APBB2: variants seen among roughly 807,000 people sequenced by gnomAD.
The protein encoded by APBB2 is amyloid beta precursor protein binding family B member 2.
Under a neutral mutation model 82.5 loss-of-function variants are expected in APBB2, and 38 were observed. The ratio of observed to expected loss-of-function variants is 0.46; its 90% CI spans 0.36 to 0.60. The LOEUF is 0.60. Ranked by LOEUF, APBB2 falls within the 20% of genes least tolerant of loss-of-function variation. The pLI, the probability that APBB2 is intolerant of heterozygous loss-of-function variation, is 0.00. For synonymous variants in APBB2, 341 were observed against 368.2 expected, an observed-to-expected ratio of 0.93 and a Z score of 0.85; for missense variants, 772 against 972.3, an observed-to-expected ratio of 0.79 and a Z score of 2.74.
intron 1 of APBB2, among the ~76,000 whole-genome samples, chr4:41,201,131 T>C (rs570465192): frequency 4.7e-4 from 71 of 152,322 alleles, no homozygotes; most frequent in Non-Finnish European, 8.2e-4. Context: ...AACACTGACC[T>C]TTATAATTCC....
chr4:40,863,054 T>C (rs926727197), intron 12 of APBB2, among the ~76,000 whole-genome samples: 12 of 152,122 alleles, frequency 7.9e-5, no homozygotes, highest in African/African-American at 2.9e-4. Flanking sequence ...GAGGAGAAAG[T>C]CAGATGACAG....
At chr4:41,060,272 T>G (rs1257212445) in intron 4 of APBB2, among the ~76,000 whole-genome samples, 3 of 152,170 alleles carry the variant, frequency 2.0e-5, no homozygotes, top group Non-Finnish European at 4.4e-5. Context: ...TGAATACAAC[T>G]AAAGCTAAAG....
Position 41,151,669 on chromosome 4 carries a change from T to C in APBB2, c.-416-8527A>G, listed in dbSNP as rs139599569. Among the ~76,000 whole-genome samples, 273 of 152,324 alleles carry C rather than the reference T, an allele frequency of 1.8e-3. 1 individual carries two copies. The highest frequency in any genetic ancestry group is 4.2e-3 in the African/African-American group (173 of 41,580). ...ATATTTTCTTTTAGCGTTTTGAAGA[T>C]ATTTTTCCACTAATTTCCAGCTTCC... On this transcript the variant is annotated intron_variant, in intron 1 of 17. Transcript: ENST00000508593.
At chr4:41,116,284 G>A (rs1020370699) in intron 2 of APBB2, among the ~76,000 whole-genome samples, 22 of 152,134 alleles carry the variant, frequency 1.4e-4, no homozygotes, top group African/African-American at 4.8e-4. Context: ...TGGACACAGG[G>A]AGAGGAAGAT....
chr4:41,176,303 T>C (rs1378823533), intron 1 of APBB2, among the ~76,000 whole-genome samples: 1 of 152,168 alleles, frequency 6.6e-6, no homozygotes, highest in Non-Finnish European at 1.5e-5. Flanking sequence ...TCTGTAAAAC[T>C]GCAAGCTTAT....
chr4:41,122,910 G>A (rs1288296908), intron 2 of APBB2, among the ~76,000 whole-genome samples: 1 of 152,046 alleles, frequency 6.6e-6, no homozygotes, highest in Non-Finnish European at 1.5e-5. Flanking sequence ...CCTCTGCCCT[G>A]GCCTCCAGAA....
intron 7 of APBB2, among the ~76,000 whole-genome samples, chr4:40,935,941 T>C (rs969219822): frequency 3.9e-5 from 6 of 152,238 alleles, no homozygotes; most frequent in African/African-American, 1.4e-4. Context: ...AAATGTCTTT[T>C]CTTTCTACTA....
intron 6 of APBB2, among the ~76,000 whole-genome samples, chr4:40,972,943 T>C (rs1450471251): frequency 2.0e-5 from 3 of 152,222 alleles, no homozygotes; most frequent in Non-Finnish European, 4.4e-5. Context: ...GACTGCAACA[T>C]AAACATTTCT....
intron 12 of APBB2, among the ~76,000 whole-genome samples, chr4:40,851,736 ATATTTTTTTTTT>A (rs766586464): frequency 2.4e-5 from 2 of 82,842 alleles, no homozygotes; most frequent in Non-Finnish European, 4.4e-5. Context: ...ATATATATAT[ATATTTTTTTTTT>A]TTTTTTTTTT....
intron 3 of APBB2, among the ~76,000 whole-genome samples, chr4:41,096,872 G>A (rs573428804): frequency 2.0e-5 from 3 of 152,172 alleles, no homozygotes; most frequent in Non-Finnish European, 2.9e-5. Context: ...CTCAAATTAA[G>A]TTCCCTAAAA....
At chr4:40,995,971 T>A (rs951275440) in intron 6 of APBB2, among the ~76,000 whole-genome samples, 1 of 152,198 alleles carries the variant, frequency 6.6e-6, no homozygotes, top group Non-Finnish European at 1.5e-5. Context: ...TGCCCCGCCA[T>A]GGATCTGCTT....
At position 40,893,348 on chromosome 4, in the gene APBB2, T is replaced by C; in HGVS notation, c.1318A>G (p.Ser440Gly). 1 of 1,613,442 alleles carries C rather than the reference T, an allele frequency of 6.2e-7. No individual in the cohort carries two copies. ...MAEEDLAPGKSSVAVNNCIRQ... is the reference protein window; with the variant it reads ...MAEEDLAPGKGSVAVNNCIRQ... ...ATGCAGTTGTTGACCGCAACACTACTTTTACCGGGGGCGAGGTCCTCTTCT... is the reference window on the plus strand; with the variant it reads ...ATGCAGTTGTTGACCGCAACACTACCTTTACCGGGGGCGAGGTCCTCTTCT... The change falls in exon 11 of 18, where the codon AGT (serine) becomes GGT (glycine). Residue 440 changes from serine to glycine, a missense_variant. Coordinates refer to ENST00000508593, the MANE Select transcript of APBB2 (RefSeq NM_004307.2).
chr4:40,938,682 AG>A lies in APBB2; in HGVS notation c.1045-3544del, dbSNP rs112000412. On this transcript the variant is annotated intron_variant, in intron 7 of 17. Transcript: ENST00000508593. Reference sequence around the variant, plus strand: ...TCTACGAAGTGGTAGCAAAATGCAAAGCAGGGGGCAAGAGTGGAGGGTTGAA... The same window carrying A: ...TCTACGAAGTGGTAGCAAAATGCAAACAGGGGGCAAGAGTGGAGGGTTGAA... Among the ~76,000 whole-genome samples the A allele has an allele frequency of 2.1e-3, 316 of 152,292 alleles. 1 individual carries two copies. The highest frequency in any genetic ancestry group is 7.4e-3 in the African/African-American group (307 of 41,566).
At chr4:40,856,632 G>A (rs753887472) in intron 12 of APBB2, among the ~76,000 whole-genome samples, 1 of 152,204 alleles carries the variant, frequency 6.6e-6, no homozygotes, top group Non-Finnish European at 1.5e-5. Context: ...GGCCTCACCA[G>A]GGGGCACGTG....
chr4:41,160,561 G>T (rs1384820520), intron 1 of APBB2, among the ~76,000 whole-genome samples: 1 of 152,118 alleles, frequency 6.6e-6, no homozygotes, highest in Non-Finnish European at 1.5e-5. Context: ...GGCCGCCTTG[G>T]GCAAATCCCT....
At chr4:41,103,440 T>C (rs1436199398) in intron 2 of APBB2, among the ~76,000 whole-genome samples, 2 of 152,144 alleles carry the variant, frequency 1.3e-5, no homozygotes, top group Admixed American at 6.5e-5. Flanking sequence ...TAAAGATATA[T>C]ACAAGGAATT....
intron 4 of APBB2, among the ~76,000 whole-genome samples, chr4:41,051,526 C>T (rs191476583): frequency 6.6e-6 from 1 of 152,296 alleles, no homozygotes; most frequent in African/African-American, 2.4e-5. Context: ...AAGCAATATC[C>T]CAGACATTTC....
chr4:41,173,373 G>A (rs1768862613), intron 1 of APBB2, among the ~76,000 whole-genome samples: 1 of 152,150 alleles, frequency 6.6e-6, no homozygotes, highest in African/African-American at 2.4e-5. Flanking sequence ...ATATTCTCAG[G>A]CAAAGGATGA....
intron 10 of APBB2, among the ~76,000 whole-genome samples, chr4:40,902,955 A>G (rs1775731480): frequency 6.6e-6 from 1 of 152,182 alleles, no homozygotes; most frequent in Non-Finnish European, 1.5e-5. Context: ...AGCCTGGGTA[A>G]CAAAGTGAGA....
Sources: gnomAD v4.1 joint callset for allele counts (sites outside exome capture counted in the v4.1 genomes callset) on GRCh38, gnomAD v4.1.1 for gene constraint, MANE v1.5 for transcripts, NCBI Gene and HGNC (gene_info 2026-07-23, HGNC 2026-07-21) for gene names.